HIP1: variants seen among roughly 807,000 people sequenced by gnomAD.
HIP1 encodes the protein huntingtin interacting protein 1, also known as huntingtin-interacting protein 1.
HIP1 carries 65 observed loss-of-function variants against 147.6 expected under a neutral mutation model. The observed-to-expected ratio is 0.44, with a 90% CI of 0.36 to 0.54. HIP1 has a LOEUF of 0.54. HIP1 is among the 20% of genes least tolerant of loss of function. The pLI is 0.00. For missense variants in HIP1, 1,061 were observed against 1,299.6 expected, an observed-to-expected ratio of 0.82 and a Z score of 2.82; for synonymous variants, 479 against 504.0, an observed-to-expected ratio of 0.95 and a Z score of 0.67.
chr7:75,537,530 A>C lies in HIP1; in HGVS notation c.*642T>G, dbSNP rs1276883299. ...GTGAGTGAAACTTAAAAAAAAAAAC[A>C]AAACCAAAAAACCCAACCAACCACC... On this transcript the variant is annotated 3_prime_UTR_variant, in exon 31 of 31. Transcript: ENST00000336926. 3 of 231,906 alleles carry C rather than the reference A, an allele frequency of 1.3e-5. No homozygotes were observed. Among genetic ancestry groups the C allele is most frequent in the Non-Finnish European group, 2.6e-5 (3 of 117,492 alleles). The allele number at this position is 231,906 out of a possible 1,614,324, so 14.4% of individuals were successfully genotyped here. A position where few individuals can be genotyped will look rare whatever the true frequency, so the allele number is the denominator to read the frequency against.
At chr7:75,543,581 G>A (rs1261360914) in intron 27 of HIP1, among the ~76,000 whole-genome samples, 9 of 151,970 alleles carry the variant, frequency 5.9e-5, no homozygotes, top group African/African-American at 1.9e-4. Flanking sequence ...TTGAACTCCC[G>A]ACCTCAGGCC....
chr7:75,567,417 A>G (rs1795449029), intron 9 of HIP1, among the ~76,000 whole-genome samples: 1 of 151,490 alleles, frequency 6.6e-6, no homozygotes, highest in South Asian at 2.1e-4. Flanking sequence ...ATATGCTTCT[A>G]TGGGATTTAT....
chr7:75,640,836 CACCCACATGAAGGG>C (rs1221894912), intron 1 of HIP1, among the ~76,000 whole-genome samples: 2 of 151,908 alleles, frequency 1.3e-5, no homozygotes, highest in Non-Finnish European at 2.9e-5. Flanking sequence ...CCGACCTCTG[CACCCACATGAAGGG>C]ACCCACATGA....
chr7:75,716,825 T>TGGG (rs1491222062), intron 1 of HIP1, among the ~76,000 whole-genome samples: 4 of 134,124 alleles, frequency 3.0e-5, no homozygotes, highest in African/African-American at 1.4e-4. Flanking sequence ...AGCTTTTTTT[T>TGGG]AGGGGGGGGG....
intron 1 of HIP1, among the ~76,000 whole-genome samples, chr7:75,624,936 ATTTTT>A (rs57832648): frequency 0.19 from 26,506 of 139,158 alleles, 3,111 homozygotes; most frequent in African/African-American, 0.35. Context: ...TTTTTGTTTA[ATTTTT>A]TTTTTTTTTT....
At chr7:75,730,713 G>GCA (rs1488903995) in intron 1 of HIP1, among the ~76,000 whole-genome samples, 7 of 150,950 alleles carry the variant, frequency 4.6e-5, no homozygotes, top group African/African-American at 1.7e-4. Context: ...TTTACCATTT[G>GCA]CACACAGTAT....
Position 75,563,032 on chromosome 7 carries a change from A to G in HIP1, c.923T>C (p.Ile308Thr), listed in dbSNP as rs587675900. ...FLRASALSEH[I>T]SPVVVIPAEA... is the part of the protein sequence containing the mutation. ...TGCAGGGATCACCACCACAGGGCTGATATGTTCTGACAGGGCTGAGGCTCG... is the reference window on the plus strand; with the variant it reads ...TGCAGGGATCACCACCACAGGGCTGGTATGTTCTGACAGGGCTGAGGCTCG... The change falls in exon 11 of 31, where the codon ATC becomes ACC. Residue 308 changes from isoleucine to threonine, a missense_variant. Ile to Thr is a moderately conservative substitution (Grantham distance 89). Coordinates refer to ENST00000336926, the MANE Select transcript of HIP1 (RefSeq NM_005338.7). 6.2e-7 allele frequency: 1 copy of G among 1,614,126 alleles called. No individual in the cohort carries two copies. The highest frequency in any genetic ancestry group is 1.3e-5 in the African/African-American group (1 of 75,022).
Position 75,651,948 on chromosome 7 carries a change from G to A in HIP1, c.121-52701C>T, listed in dbSNP as rs972934208. Among the ~76,000 whole-genome samples the A allele has an allele frequency of 7.2e-5, 11 of 151,788 alleles. No individual in the cohort carries two copies. The East Asian group carries it at 1.9e-3, about 27-fold the overall frequency. ...CGCTTGAACCCGTGAGGCGGAGGTT[G>A]CAGTGAGCTGAGATTGCGCCACTGC... On this transcript the variant is annotated intron_variant, in intron 1 of 30. Transcript: ENST00000336926.
intron 1 of HIP1, among the ~76,000 whole-genome samples, chr7:75,721,528 CAA>C (rs147571067): frequency 2.3e-4 from 28 of 120,278 alleles, no homozygotes; most frequent in Admixed American, 2.6e-4. Context: ...GACCCTGTCT[CAA>C]AAAAAAAAAA....
At chr7:75,605,359 G>A (rs987400605) in intron 1 of HIP1, among the ~76,000 whole-genome samples, 5 of 150,444 alleles carry the variant, frequency 3.3e-5, no homozygotes, top group African/African-American at 1.0e-4. Context: ...CCTGAGGGCC[G>A]GGGGGGATGG....
intron 1 of HIP1, among the ~76,000 whole-genome samples, chr7:75,672,807 C>G (rs189079784): frequency 3.9e-5 from 6 of 152,188 alleles, no homozygotes; most frequent in African/African-American, 1.4e-4. Flanking sequence ...AAGTTTAGCT[C>G]TTACATTTAG....
chr7:75,708,105 C>G (rs1343280594), intron 1 of HIP1, among the ~76,000 whole-genome samples: 1 of 148,394 alleles, frequency 6.7e-6, no homozygotes, highest in Non-Finnish European at 1.5e-5. Context: ...CAAATGGGAT[C>G]TAATTAAACT....
intron 3 of HIP1, 93 bp downstream of exon 3, chr7:75,592,279 T>C: frequency 2.7e-6 from 4 of 1,481,520 alleles, no homozygotes; most frequent in Non-Finnish European, 3.7e-6. Flanking sequence ...AAGGGGGCAG[T>C]GTGGGAGAGG....
At chr7:75,603,497 G>C (rs587768382) in intron 1 of HIP1, among the ~76,000 whole-genome samples, 1 of 152,034 alleles carries the variant, frequency 6.6e-6, no homozygotes, top group South Asian at 2.1e-4. Context: ...CATCAGATGG[G>C]GTCCTCTGGG....
intron 1 of HIP1, among the ~76,000 whole-genome samples, chr7:75,632,065 G>A (rs1170658112): frequency 6.6e-6 from 1 of 152,156 alleles, no homozygotes; most frequent in African/African-American, 2.4e-5. Context: ...GTGCTCGTAG[G>A]ACACTAAATC....
At chr7:75,599,349 C>A in intron 1 of HIP1, 102 bp from the exon 2 acceptor site, 2 of 877,696 alleles carry the variant, frequency 2.3e-6, no homozygotes, top group Non-Finnish European at 3.7e-6. Flanking sequence ...CTCCTCCAGC[C>A]AACCTCCCCC....
At chr7:75,688,350 A>G (rs984463338) in intron 1 of HIP1, among the ~76,000 whole-genome samples, 5 of 150,634 alleles carry the variant, frequency 3.3e-5, no homozygotes, top group Non-Finnish European at 7.4e-5. Flanking sequence ...CAGCCCTACA[A>G]TGAGAGCCAA....
chr7:75,592,149 G>A (rs1554500917), intron 3 of HIP1, 37 bp from the exon 4 acceptor site: 3 of 1,591,398 alleles, frequency 1.9e-6, no homozygotes, highest in South Asian at 2.2e-5. Flanking sequence ...AGAGAATGGA[G>A]AAGGAAAGAA....
At chr7:75,596,851 C>T (rs79426277) in intron 2 of HIP1, among the ~76,000 whole-genome samples, 1 of 152,232 alleles carries the variant, frequency 6.6e-6, no homozygotes, top group African/African-American at 2.4e-5. Flanking sequence ...CAGCATGTGA[C>T]CTGACCCTGC....
Sources: allele counts gnomAD v4.1 joint callset (sites outside exome capture counted in the v4.1 genomes callset), GRCh38; gene constraint gnomAD v4.1.1; transcripts MANE v1.5; gene names NCBI Gene and HGNC (gene_info 2026-07-23, HGNC 2026-07-21).